Variants in DOK5 observed in about 807,000 individuals in gnomAD.
The protein encoded by DOK5 is downstream of tyrosine kinase 5.
Under a neutral mutation model 43.3 loss-of-function variants are expected in DOK5, and 27 were observed. The observed-to-expected ratio is 0.62, with a 90% CI of 0.46 to 0.86. DOK5 has a LOEUF of 0.86. Ranked by LOEUF, DOK5 falls within the 40% of genes least tolerant of loss-of-function variation. The pLI is 0.00. For synonymous variants in DOK5, 146 were observed against 140.1 expected, an observed-to-expected ratio of 1.04 and a Z score of -0.30; for missense variants, 373 against 392.9, an observed-to-expected ratio of 0.95 and a Z score of 0.43.
At position 54,623,611 on chromosome 20, in the gene DOK5, G is replaced by A. The variant is rs143444543; in HGVS notation, c.735+13088G>A. On this transcript the variant is annotated intron_variant, in intron 6 of 7. Transcript: ENST00000262593. ...TTTTATTTTTCTGAGATGGAGTGTC[G>A]CTCTGTCGCCCAGGCTGGAGTACAG... Among the ~76,000 whole-genome samples the A allele has an allele frequency of 5.8e-3, 879 of 151,912 alleles. 10 individuals are homozygous for A. Among genetic ancestry groups the A allele is most frequent in the African/African-American group, 0.02 (832 of 41,396 alleles).
chr20:54,586,888 G>A (rs1274700377), intron 2 of DOK5, among the ~76,000 whole-genome samples: 4 of 152,170 alleles, frequency 2.6e-5, no homozygotes, highest in Admixed American at 6.5e-5. Flanking sequence ...GTGAGATAGC[G>A]TGGGCAAGAC....
At chr20:54,491,060 T>G (rs994915393) in intron 1 of DOK5, among the ~76,000 whole-genome samples, 15 of 152,252 alleles carry the variant, frequency 9.9e-5, no homozygotes, top group Admixed American at 1.3e-4. Context: ...CAGGGAACTG[T>G]TTGACCATCC....
intron 2 of DOK5, among the ~76,000 whole-genome samples, chr20:54,587,936 G>A (rs1336250224): frequency 1.3e-5 from 2 of 152,160 alleles, no homozygotes; most frequent in Non-Finnish European, 2.9e-5. Context: ...CAAGTCAGGG[G>A]TCGTTTCTGA....
chr20:54,492,963 G>T (rs1405765120), intron 1 of DOK5, among the ~76,000 whole-genome samples: 1 of 150,562 alleles, frequency 6.6e-6, no homozygotes, highest in Non-Finnish European at 1.5e-5. Flanking sequence ...GCTGAGGCAG[G>T]AGAATTGCTT....
At chr20:54,636,688 G>C (rs572054985) in intron 6 of DOK5, among the ~76,000 whole-genome samples, 1 of 152,220 alleles carries the variant, frequency 6.6e-6, no homozygotes, top group Admixed American at 6.5e-5. Context: ...AGATTGATTT[G>C]ACTAATAACT....
At chr20:54,490,284 A>G (rs1024596391) in intron 1 of DOK5, among the ~76,000 whole-genome samples, 1 of 152,254 alleles carries the variant, frequency 6.6e-6, no homozygotes, top group Non-Finnish European at 1.5e-5. Flanking sequence ...TCTAAAAATT[A>G]AATTATGAAT....
At chr20:54,540,567 G>C (rs1984120861) in intron 1 of DOK5, among the ~76,000 whole-genome samples, 1 of 152,134 alleles carries the variant, frequency 6.6e-6, no homozygotes, top group Non-Finnish European at 1.5e-5. Flanking sequence ...CCAGGCTGGA[G>C]TGCAGTGCAT....
intron 1 of DOK5, among the ~76,000 whole-genome samples, chr20:54,536,431 G>A (rs547764402): frequency 1.4e-3 from 214 of 152,342 alleles, no homozygotes; most frequent in Non-Finnish European, 2.4e-3. Context: ...TTTGGGAACA[G>A]TGAGTAGGTG....
At position 54,475,641 on chromosome 20, in the gene DOK5, G is replaced by T; in HGVS notation, c.-306G>T. 2.1e-6 allele frequency: 1 copy of T among 480,760 alleles called. No homozygotes were observed. The highest frequency in any genetic ancestry group is 3.7e-6 in the Non-Finnish European group (1 of 267,728). The allele number at this position is 480,760 out of a possible 1,614,324, so 29.8% of individuals were successfully genotyped here. On this transcript the variant is annotated 5_prime_UTR_variant, in exon 1 of 8. Coordinates refer to ENST00000262593, the MANE Select transcript of DOK5 (RefSeq NM_018431.5). This position sits in a 1 kb window ranked among gnomAD's most constrained non-coding sequence, Gnocchi z 4.2. Reference sequence around the variant, plus strand: ...GGAGGAGGCAGGGCTGGATCCCTCAGCCGCCGCCGCTCCTCCTCCTGGCAG... The same window carrying T: ...GGAGGAGGCAGGGCTGGATCCCTCATCCGCCGCCGCTCCTCCTCCTGGCAG...
chr20:54,646,108 A>C (rs997036270), intron 7 of DOK5, among the ~76,000 whole-genome samples: 1 of 152,098 alleles, frequency 6.6e-6, no homozygotes, highest in African/African-American at 2.4e-5. Flanking sequence ...AAATGTTTGC[A>C]ATATTTGAGT....
intron 1 of DOK5, among the ~76,000 whole-genome samples, chr20:54,554,623 AT>A (rs1288704204): frequency 6.6e-6 from 1 of 152,142 alleles, no homozygotes; most frequent in Non-Finnish European, 1.5e-5. Flanking sequence ...TTGAATGCCT[AT>A]TTTATTTGTA....
At chr20:54,639,031 A>G (rs561226940) in intron 6 of DOK5, among the ~76,000 whole-genome samples, 1 of 152,274 alleles carries the variant, frequency 6.6e-6, no homozygotes, top group Non-Finnish European at 1.5e-5. Flanking sequence ...AAAATTGGAA[A>G]TTCACTACAA....
At chr20:54,479,145 T>C (rs1981560829) in intron 1 of DOK5, among the ~76,000 whole-genome samples, 1 of 152,188 alleles carries the variant, frequency 6.6e-6, no homozygotes, top group Non-Finnish European at 1.5e-5. Context: ...CACAGATAAG[T>C]GGTCACCTTC....
At chr20:54,603,204 T>A (rs777547648) in intron 5 of DOK5, among the ~76,000 whole-genome samples, 8 of 152,242 alleles carry the variant, frequency 5.3e-5, no homozygotes, top group Non-Finnish European at 1.0e-4. Flanking sequence ...AAGTGATACA[T>A]GATGTGTTAT....
chr20:54,559,245 C>T (rs534988003), intron 2 of DOK5, among the ~76,000 whole-genome samples: 89 of 152,270 alleles, frequency 5.8e-4, no homozygotes, highest in Middle Eastern at 3.4e-3. Flanking sequence ...GGAAGGAAGA[C>T]CATTGACCGC....
intron 2 of DOK5, among the ~76,000 whole-genome samples, chr20:54,557,093 G>A (rs1417140602): frequency 1.3e-5 from 2 of 152,134 alleles, no homozygotes; most frequent in African/African-American, 4.8e-5. Flanking sequence ...TGCTACTACT[G>A]GGGTCCTAGG....
At chr20:54,604,455 A>G (rs1041669711) in intron 5 of DOK5, among the ~76,000 whole-genome samples, 1 of 151,996 alleles carries the variant, frequency 6.6e-6, no homozygotes, top group Non-Finnish European at 1.5e-5. Flanking sequence ...TTGCCGCATC[A>G]GTATGGCTCA....
intron 1 of DOK5, among the ~76,000 whole-genome samples, chr20:54,552,917 G>A (rs1258187122): frequency 6.6e-6 from 1 of 152,194 alleles, no homozygotes; most frequent in Non-Finnish European, 1.5e-5. Flanking sequence ...TCACCCATCT[G>A]CCAGGTACTG....
intron 2 of DOK5, among the ~76,000 whole-genome samples, chr20:54,570,545 C>T (rs1292935861): frequency 1.3e-5 from 2 of 152,132 alleles, no homozygotes; most frequent in African/African-American, 4.8e-5. Context: ...GGAAAATTAC[C>T]TTTTATGTAG....
Sources: gnomAD v4.1 joint callset for allele counts (sites outside exome capture counted in the v4.1 genomes callset) on GRCh38, gnomAD v4.1.1 for gene constraint, Gnocchi (gnomAD v3.1) non-coding constraint, MANE v1.5 for transcripts, NCBI Gene and HGNC (gene_info 2026-07-23, HGNC 2026-07-21) for gene names.